The following MYO1D variants were observed in gnomAD, a reference collection of about 807,000 sequenced individuals.
MYO1D encodes the protein myosin ID, also known as unconventional myosin-Id.
A neutral mutation model predicts 122.0 loss-of-function variants in MYO1D; 83 were observed. The ratio of observed to expected loss-of-function variants is 0.68; its 90% CI spans 0.57 to 0.82. MYO1D has a LOEUF of 0.82. MYO1D is among the 40% of genes least tolerant of loss of function. The pLI, the probability that MYO1D is intolerant of heterozygous loss-of-function variation, is 0.00. For synonymous variants in MYO1D, 464 were observed against 446.9 expected (o/e 1.04, Z -0.48); for missense variants, 1,157 against 1,269.5 (o/e 0.91, Z 1.35).
At chr17:32,744,898 T>G (rs2089815548) in intron 13 of MYO1D, among the ~76,000 whole-genome samples, 1 of 152,192 alleles carries the variant, frequency 6.6e-6, no homozygotes, top group Non-Finnish European at 1.5e-5. Flanking sequence ...CACCTGACAC[T>G]TCTTCATCAC....
intron 12 of MYO1D, among the ~76,000 whole-genome samples, chr17:32,746,088 G>A (rs757599738): frequency 1.3e-5 from 2 of 152,202 alleles, no homozygotes; most frequent in African/African-American, 4.8e-5. Context: ...AATCAGATCA[G>A]TATAAGCAAT....
rs931715317 is a variant in MYO1D, at chr17:32,765,059, T to A, written c.854A>T (p.Asp285Val). The A allele has an allele frequency of 1.2e-6, 2 of 1,612,978 alleles. No individual in the cohort carries two copies. The highest frequency in any genetic ancestry group is 1.7e-6 in the Non-Finnish European group (2 of 1,179,302). Reference protein sequence around the residue: ...LHLGNLKFVVDGDTPLIENGK... With the variant: ...LHLGNLKFVVVGDTPLIENGK... The stretch of plus-strand genomic sequence containing the variant: ...ATTCTCAATAAGAGGCGTGTCACCA[T>A]CTACTACAAATTTTAAATTTCCCTG... The change falls in exon 8 of 22, where the codon GAT (aspartate) becomes GTT (valine). Residue 285 changes from aspartate to valine, a missense_variant. Physicochemically the swap from Asp to Val is radical, Grantham distance 152 (BLOSUM62 -3). Transcript: ENST00000318217.
intron 1 of MYO1D, among the ~76,000 whole-genome samples, chr17:32,784,144 G>A (rs1335664820): frequency 4.6e-5 from 7 of 152,126 alleles, no homozygotes; most frequent in African/African-American, 1.4e-4. Context: ...TCTGGCCTCC[G>A]GGTTTCTGTT....
intron 16 of MYO1D, among the ~76,000 whole-genome samples, chr17:32,688,907 C>G (rs2089057532): frequency 6.7e-6 from 1 of 150,020 alleles, no homozygotes; most frequent in African/African-American, 2.5e-5. Flanking sequence ...CATATGGTCT[C>G]TTTGATTTTT....
At chr17:32,849,504 T>C (rs1245327008) in intron 1 of MYO1D, among the ~76,000 whole-genome samples, 18 of 151,276 alleles carry the variant, frequency 1.2e-4, no homozygotes, top group African/African-American at 3.9e-4. Context: ...GATGAGTTCA[T>C]GTCCTTTGTA....
intron 15 of MYO1D, among the ~76,000 whole-genome samples, chr17:32,714,118 C>T (rs2089413133): frequency 6.6e-6 from 1 of 151,154 alleles, no homozygotes; most frequent in Admixed American, 6.6e-5. Flanking sequence ...AGGTTTGTTA[C>T]ATAGGCAAAT....
At chr17:32,760,197 C>T (rs937764321) in intron 10 of MYO1D, 93 bp downstream of exon 10, 21 of 1,053,028 alleles carry the variant, frequency 2.0e-5, no homozygotes, top group Admixed American at 1.6e-4. Flanking sequence ...GTTTCAAATA[C>T]CCCCAAAAGA....
At chr17:32,520,166 C>CG (rs1489585143) in intron 21 of MYO1D, among the ~76,000 whole-genome samples, 1 of 152,112 alleles carries the variant, frequency 6.6e-6, no homozygotes, top group Non-Finnish European at 1.5e-5. Context: ...TATTTCAGCA[C>CG]GAACAGGGAA....
At chr17:32,565,162 T>C (rs369911) in intron 21 of MYO1D, among the ~76,000 whole-genome samples, 70,577 of 151,918 alleles carry the variant, frequency 0.46, 16,745 homozygotes, top group African/African-American at 0.55. Flanking sequence ...CACCACCACA[T>C]CCAGCTAATT....
At chr17:32,763,636 T>C (rs1308148202) in intron 8 of MYO1D, among the ~76,000 whole-genome samples, 1 of 152,054 alleles carries the variant, frequency 6.6e-6, no homozygotes, top group Non-Finnish European at 1.5e-5. Context: ...AAAATAAATA[T>C]ATGGCAGGTG....
chr17:32,665,575 T>C (rs893601732), intron 16 of MYO1D, among the ~76,000 whole-genome samples: 1 of 152,258 alleles, frequency 6.6e-6, no homozygotes, highest in African/African-American at 2.4e-5. Flanking sequence ...TCTTACTTTA[T>C]GAATGCAACA....
At chr17:32,618,603 C>G (rs1035165755) in intron 20 of MYO1D, among the ~76,000 whole-genome samples, 1 of 151,818 alleles carries the variant, frequency 6.6e-6, no homozygotes, top group Non-Finnish European at 1.5e-5. Context: ...GAAGCTGGGC[C>G]TCCCATAGCT....
At chr17:32,733,252 G>C (rs953212849) in intron 14 of MYO1D, among the ~76,000 whole-genome samples, 1 of 152,220 alleles carries the variant, frequency 6.6e-6, no homozygotes, top group South Asian at 2.1e-4. Flanking sequence ...TTTCTGGCGA[G>C]AAAAGTCACA....
At chr17:32,778,866 A>G (rs1186394168) in intron 2 of MYO1D, among the ~76,000 whole-genome samples, 10 of 147,948 alleles carry the variant, frequency 6.8e-5, no homozygotes, top group Admixed American at 6.7e-4. Context: ...AACTAAGACT[A>G]AAGTTTTAGT....
intron 21 of MYO1D, among the ~76,000 whole-genome samples, chr17:32,528,457 A>ATG (rs145802752): frequency 4.4e-4 from 67 of 150,836 alleles, no homozygotes; most frequent in Middle Eastern, 3.5e-3. Context: ...GTGTGTGCGT[A>ATG]TGTGTGTGTG....
chr17:32,858,876 G>A (rs1392547331), intron 1 of MYO1D, among the ~76,000 whole-genome samples: 1 of 152,062 alleles, frequency 6.6e-6, no homozygotes, highest in Non-Finnish European at 1.5e-5. Context: ...TTAGCTAGTG[G>A]GTACTCACTT....
intron 21 of MYO1D, among the ~76,000 whole-genome samples, chr17:32,590,932 C>T (rs185342105): frequency 4.6e-5 from 7 of 152,268 alleles, no homozygotes; most frequent in East Asian, 3.9e-4. Flanking sequence ...TAGCTACCTG[C>T]GGAAATGATG....
At chr17:32,860,291 T>C (rs1244745553) in intron 1 of MYO1D, among the ~76,000 whole-genome samples, 1 of 152,194 alleles carries the variant, frequency 6.6e-6, no homozygotes, top group Non-Finnish European at 1.5e-5. Context: ...ACATGTTTCT[T>C]TTCTGTTTAA....
chr17:32,693,628 G>A (rs949978208), intron 16 of MYO1D, among the ~76,000 whole-genome samples: 3 of 152,072 alleles, frequency 2.0e-5, no homozygotes, highest in Non-Finnish European at 1.5e-5. Flanking sequence ...ACACTGATGC[G>A]CCAAATTGGT....
Sources: allele counts gnomAD v4.1 joint callset (sites outside exome capture counted in the v4.1 genomes callset), GRCh38; gene constraint gnomAD v4.1.1; transcripts MANE v1.5; gene names NCBI Gene and HGNC (gene_info 2026-07-23, HGNC 2026-07-21).